Variants in DSEL observed in about 807,000 individuals in gnomAD.
DSEL encodes dermatan-sulfate epimerase-like protein.
Under a neutral mutation model 96.6 loss-of-function variants are expected in DSEL, and 61 were observed. That is an observed-to-expected ratio of 0.63 (90% confidence interval 0.51 to 0.78). The LOEUF (loss-of-function observed/expected upper bound fraction) is 0.78, where lower values mean the gene tolerates loss of function less well. Ranked by LOEUF, DSEL falls within the 30% of genes least tolerant of loss-of-function variation. The pLI is 0.00. For synonymous variants in DSEL, 514 were observed against 502.0 expected, an observed-to-expected ratio of 1.02 and a Z score of -0.32; for missense variants, 1,320 against 1,430.8, an observed-to-expected ratio of 0.92 and a Z score of 1.25.
chr18:67,509,178 G>A lies in DSEL; in HGVS notation c.*1792C>T, dbSNP rs1322554342. ...TACTGACAATCCAGACTTTTTATAT[G>A]TGATCTGATTCACGATCACATATCC... is the stretch of plus-strand genomic sequence containing the variant. On this transcript the variant is annotated 3_prime_UTR_variant, in exon 2 of 2. Transcript: ENST00000310045. 6.6e-6 allele frequency: 1 copy of A among 152,098 alleles called. No individual in the cohort carries two copies. The highest frequency in any genetic ancestry group is 2.4e-5 in the African/African-American group (1 of 41,408). 9.4% of individuals were successfully genotyped at this position (152,098 alleles called of 1,614,324 possible). A position where few individuals can be genotyped will look rare whatever the true frequency, so the allele number is the denominator to read the frequency against.
chr18:67,512,949 C>A lies in DSEL; in HGVS notation c.1660G>T (p.Gly554Trp). 1.2e-6 allele frequency: 2 copies of A among 1,614,158 alleles called. No homozygotes were observed. Among genetic ancestry groups the A allele is most frequent in the Non-Finnish European group, 1.7e-6 (2 of 1,180,038 alleles). Residue 554 changes from glycine (G) to tryptophan (W), a missense_variant, in exon 2 of 2, where the codon GGG (glycine) becomes TGG (tryptophan). Transcript: ENST00000310045. ...GAAGAATAAGCAGACACGGCTTCCC[C>A]ACTCACAAATACCATTTCCCCATGT... The part of the protein sequence containing the change: ...SQHGEMVFVS[G>W]EAVSAYSSAM...
In DSEL at chr18:67,512,558, C is replaced by A; in HGVS notation, c.2051G>T (p.Gly684Val). The part of the protein sequence containing the change: ...TITRIAYVFY[G>V]PYINVSSCRF... ...GCAGCTGGAGACATTGATATATGGC[C>A]CATAAAAGACATATGCAATTCTTGT... Residue 684 changes from glycine (G) to valine (V), a missense_variant, in exon 2 of 2, where the codon GGG becomes GTG. Gly to Val is a moderately radical substitution (Grantham distance 109, BLOSUM62 -3). Coordinates refer to ENST00000310045, the MANE Select transcript of DSEL (RefSeq NM_032160.3). 1 of 1,614,050 alleles carries A rather than the reference C, an allele frequency of 6.2e-7. No homozygotes were observed. Among genetic ancestry groups the A allele is most frequent in the Non-Finnish European group, 8.5e-7 (1 of 1,179,994 alleles).
In DSEL at chr18:67,513,114, T is replaced by C; in HGVS notation, c.1495A>G (p.Asn499Asp). The change falls in exon 2 of 2, where the codon AAT becomes GAT. Residue 499 changes from asparagine (N) to aspartate (D), a missense_variant. By Grantham distance (23) the Asn-to-Asp change is conservative. Around this residue, in one of 3 missense-constraint regions of DSEL, gnomAD observed 986 missense variants for 1,066.4 expected, o/e 0.92. Transcript: ENST00000310045. ...GGTGATGGAGCAAACACCAATACATTGTTAAGGTGGCTCAACTTGGGTCCA... is the reference window on the plus strand; with the variant it reads ...GGTGATGGAGCAAACACCAATACATCGTTAAGGTGGCTCAACTTGGGTCCA... The part of the protein sequence containing the change: ...LYGPKLSHLN[N>D]VLVFAPSPSS... 1 of 1,614,164 alleles carries C rather than the reference T, an allele frequency of 6.2e-7. No homozygotes were observed. The highest frequency in any genetic ancestry group is 8.5e-7 in the Non-Finnish European group (1 of 1,180,046).
At position 67,513,367 on chromosome 18, in the gene DSEL, G is replaced by C; in HGVS notation, c.1242C>G (p.Asn414Lys). The C allele has an allele frequency of 6.2e-7, 1 of 1,614,180 alleles. No individual in the cohort carries two copies. The part of the protein sequence containing the change: ...YGTAKIHTFP[N>K]WGVVTYGAGL... ...CAGCCCCATAAGTAACCACACCCCA[G>C]TTAGGGAATGTGTGTATTTTTGCAG... Residue 414 changes from asparagine (N) to lysine (K), a missense_variant, in exon 2 of 2, where the codon AAC becomes AAG. Asn to Lys is a moderately conservative substitution (Grantham distance 94). Transcript: ENST00000310045.
chr18:67,514,196 T>A lies in DSEL; in HGVS notation c.413A>T (p.Asp138Val), dbSNP rs1366841845. 2 of 1,614,100 alleles carry A rather than the reference T, an allele frequency of 1.2e-6. No individual in the cohort carries two copies. The highest frequency in any genetic ancestry group is 3.3e-5 in the Admixed American group (2 of 60,014). Residue 138 changes from aspartate (D) to valine (V), a missense_variant, in exon 2 of 2, where the codon GAC becomes GTC. Asp to Val is a radical substitution (Grantham distance 152). Transcript: ENST00000310045. ...CAAGACAAATTCAAAGGCAACTTTG[T>A]CTTCTGGGCATAACAAACAGTACAA... ...LALYCLLCPE[D>V]KVAFEFVLEY...
chr18:67,510,626 T>C lies in DSEL; in HGVS notation c.*344A>G, dbSNP rs1311916050. On this transcript the variant is annotated 3_prime_UTR_variant, in exon 2 of 2. Coordinates refer to ENST00000310045, the MANE Select transcript of DSEL (RefSeq NM_032160.3). ...TTTAGCAGTGTTTGAGGTCTCTAGATAGATTAGCACAGTTACAGATGAAGG... is the reference window on the plus strand; with the variant it reads ...TTTAGCAGTGTTTGAGGTCTCTAGACAGATTAGCACAGTTACAGATGAAGG... 7 of 229,954 alleles carry C rather than the reference T, an allele frequency of 3.0e-5. No individual in the cohort carries two copies. The highest frequency in any genetic ancestry group is 1.4e-4 in the South Asian group (1 of 7,212). The allele number at this position is 229,954 out of a possible 1,614,324, so 14.2% of individuals were successfully genotyped here. A position where few individuals can be genotyped will look rare whatever the true frequency, so the allele number is the denominator to read the frequency against.
rs1440537428 is a variant in DSEL at position 67,512,487 on chromosome 18, C to G, written c.2122G>C (p.Val708Leu). The G allele has an allele frequency of 4.3e-6, 7 of 1,613,976 alleles. No homozygotes were observed. In the South Asian group the frequency reaches 5.5e-5, roughly 13 times the overall value. The change falls in exon 2 of 2, where the codon GTC (valine) becomes CTC (leucine). Residue 708 changes from valine (V) to leucine (L), a missense_variant. Physicochemically the swap from Val to Leu is conservative, Grantham distance 32. Coordinates refer to ENST00000310045, the MANE Select transcript of DSEL (RefSeq NM_032160.3). ...GAAACAACATGTTCAGTATTATTGA[C>G]ATTGAGAGAAATCTGAAGTCCAGGA... ...SNPGLQISLN[V>L]NNTEHVVSIV...
In DSEL at chr18:67,513,782, C is replaced by T; in HGVS notation, c.827G>A (p.Gly276Asp). 1 of 1,614,178 alleles carries T rather than the reference C, an allele frequency of 6.2e-7. No individual in the cohort carries two copies. The highest frequency in any genetic ancestry group is 8.5e-7 in the Non-Finnish European group (1 of 1,180,036). ...AGCTGTGTAGCTTCCATAGGCCACA[C>T]CTTCATCCAAAGAACCATCAACAAT... ...NHIVDGSLDE[G>D]VAYGSYTAKS... Residue 276 changes from glycine to aspartate, a missense_variant, in exon 2 of 2, where the codon GGT (glycine) becomes GAT (aspartate). Gly to Asp is a moderately conservative substitution (Grantham distance 94, BLOSUM62 -1). This residue lies in a region of DSEL where 323 missense variants were observed against 333.1 expected (regional missense o/e 0.97). Coordinates refer to ENST00000310045, the MANE Select transcript of DSEL (RefSeq NM_032160.3).
Position 67,512,268 on chromosome 18 carries a change from A to C in DSEL, c.2341T>G (p.Cys781Gly). Residue 781 changes from cysteine to glycine, a missense_variant, in exon 2 of 2, where the codon TGC becomes GGC. By Grantham distance (159) the Cys-to-Gly change is radical. Around this residue, in one of 3 missense-constraint regions of DSEL, gnomAD observed 986 missense variants for 1,066.4 expected, o/e 0.92. Coordinates refer to ENST00000310045, the MANE Select transcript of DSEL (RefSeq NM_032160.3). ...KFNIAVGLIL[C>G]ISLVILTFQW... ...AAAGTTAAAATCACCAAGCTAATGCACAAAATTAATCCAACTGCTATATTA... is the reference window on the plus strand; with the variant it reads ...AAAGTTAAAATCACCAAGCTAATGCCCAAAATTAATCCAACTGCTATATTA... The C allele has an allele frequency of 6.2e-7, 1 of 1,614,138 alleles. No homozygotes were observed.
rs2089469925 is a variant in DSEL at position 67,515,342 on chromosome 18, A to T, written c.-734T>A. The T allele has an allele frequency of 6.0e-6, 1 of 167,010 alleles. No homozygotes were observed. The highest frequency in any genetic ancestry group is 2.4e-5 in the African/African-American group (1 of 41,474). 10.3% of individuals were successfully genotyped at this position (167,010 alleles called of 1,614,324 possible). Reference sequence around the variant, plus strand: ...AGAAATCATGTTCACATCTTCTTTTATCAGCTTCATGTGTACAAACATAAA... The same window carrying T: ...AGAAATCATGTTCACATCTTCTTTTTTCAGCTTCATGTGTACAAACATAAA... On this transcript the variant is annotated 5_prime_UTR_variant, in exon 2 of 2. Transcript: ENST00000310045.
rs2089475500 is a variant in DSEL, at chr18:67,516,203, T to A, written c.-885+158A>T. ...TTCAGTCTTGGACAAGTCTCCCCTC[T>A]GTAGGAAACATTCAGGCTAGGAGTT... is the stretch of plus-strand genomic sequence containing the variant. On this transcript the variant is annotated intron_variant, in intron 1 of 1. Coordinates refer to ENST00000310045, the MANE Select transcript of DSEL (RefSeq NM_032160.3). The surrounding 1 kb of genome is among the most constrained non-coding windows in gnomAD (Gnocchi z 5.6). 6.6e-6 allele frequency among the ~76,000 whole-genome samples: 1 copy of A among 152,240 alleles called. No homozygotes were observed. Among genetic ancestry groups the A allele is most frequent in the Non-Finnish European group, 1.5e-5 (1 of 68,028 alleles).
At position 67,506,686 on chromosome 18, in the gene DSEL, A is replaced by G. The variant is rs1183607704; in HGVS notation, c.*4284T>C. On this transcript the variant is annotated 3_prime_UTR_variant, in exon 2 of 2. Coordinates refer to ENST00000310045, the MANE Select transcript of DSEL (RefSeq NM_032160.3). ...TTCAGTCTGTTTCCAGTGCTGCATA[A>G]CTAGATAACGTATGAAGGAAAAACG... is the stretch of plus-strand genomic sequence containing the variant. The G allele has an allele frequency of 6.6e-6, 1 of 152,156 alleles. No individual in the cohort carries two copies. Among genetic ancestry groups the G allele is most frequent in the Non-Finnish European group, 1.5e-5 (1 of 68,030 alleles). The allele number at this position is 152,156 out of a possible 1,614,324, so 9.4% of individuals were successfully genotyped here. A position where few individuals can be genotyped will look rare whatever the true frequency, so the allele number is the denominator to read the frequency against.
rs895909675 is a variant in DSEL at position 67,514,132 on chromosome 18, T to C, written c.477A>G (p.Leu159=). 1.9e-6 allele frequency: 3 copies of C among 1,614,134 alleles called. No homozygotes were observed. Among genetic ancestry groups the C allele is most frequent in the African/African-American group, 2.7e-5 (2 of 74,950 alleles). Residue 159 remains leucine (L), a synonymous_variant, in exon 2 of 2, where the codon CTA becomes CTG. Coordinates refer to ENST00000310045, the MANE Select transcript of DSEL (RefSeq NM_032160.3). ...MDRMVGYKDW[L]VENAPGDEVP... is the part of the protein sequence containing the mutation. Reference sequence around the variant, plus strand: ...CCTCATCTCCTGGTGCATTCTCTACTAGCCAGTCTTTGTAGCCAACCATCC... The same window carrying C: ...CCTCATCTCCTGGTGCATTCTCTACCAGCCAGTCTTTGTAGCCAACCATCC...
rs764274314 is a variant in DSEL, at chr18:67,512,580, T to G, written c.2029A>C (p.Arg677=). ...GGCCCATAAAAGACATATGCAATTC[T>G]TGTGATTGTGGGTTCCATCTGAAAA... The part of the protein sequence containing the change: ...VTFQMEPTIT[R]IAYVFYGPYI... Residue 677 remains arginine (R), a synonymous_variant, in exon 2 of 2, where the codon AGA becomes CGA. Transcript: ENST00000310045. The G allele has an allele frequency of 2.1e-5, 34 of 1,614,060 alleles. No individual in the cohort carries two copies. The highest frequency in any genetic ancestry group is 2.5e-6 in the Non-Finnish European group (3 of 1,180,018).
chr18:67,516,012 C>T lies in DSEL; in HGVS notation c.-885+349G>A, dbSNP rs1195299771. 6.6e-6 allele frequency among the ~76,000 whole-genome samples: 1 copy of T among 151,754 alleles called. No homozygotes were observed. On this transcript the variant is annotated intron_variant, in intron 1 of 1. Transcript: ENST00000310045. This position sits in a 1 kb window ranked among gnomAD's most constrained non-coding sequence, Gnocchi z 5.6. ...CCAGTCACTTTTCTCGGCGGGGTAA[C>T]CGCGAATCGTGACCAGGCGCCAAGC...
Position 67,513,439 on chromosome 18 carries a change from G to C in DSEL, c.1170C>G (p.Ile390Met). The C allele has an allele frequency of 1.2e-6, 2 of 1,614,198 alleles. No individual in the cohort carries two copies. The highest frequency in any genetic ancestry group is 2.2e-5 in the East Asian group (1 of 44,876). Residue 390 changes from isoleucine to methionine, a missense_variant, in exon 2 of 2, where the codon ATC becomes ATG. Physicochemically the swap from Ile to Met is conservative, Grantham distance 10. Around this residue, in one of 3 missense-constraint regions of DSEL, gnomAD observed 986 missense variants for 1,066.4 expected, o/e 0.92. Transcript: ENST00000310045. ...GTGGTGTGAGCTGGGGATCATACCA[G>C]ATGTATTCAGTGTGAAGAGTACTCC... ...QRWSTLHTEY[I>M]WYDPQLTPQP...
At position 67,516,600 on chromosome 18, in the gene DSEL, G is replaced by C. The variant is rs2089478188; in HGVS notation, c.-1124C>G. 1 of 152,322 alleles carries C rather than the reference G, an allele frequency of 6.6e-6. No individual in the cohort carries two copies. The allele number at this position is 152,322 out of a possible 1,614,324, so 9.4% of individuals were successfully genotyped here. On this transcript the variant is annotated 5_prime_UTR_variant, in exon 1 of 2. Transcript: ENST00000310045. This position sits in a 1 kb window ranked among gnomAD's most constrained non-coding sequence, Gnocchi z 5.6. ...CCCTCAGGAAACGCCGGACGCTTGTGGGGGCAACCACGGACCGCAGGACAG... is the reference window on the plus strand; with the variant it reads ...CCCTCAGGAAACGCCGGACGCTTGTCGGGGCAACCACGGACCGCAGGACAG...
In DSEL at chr18:67,513,846, C is replaced by G. The variant is rs775053414; in HGVS notation, c.763G>C (p.Val255Leu). The G allele has an allele frequency of 2.5e-6, 4 of 1,614,168 alleles. No individual in the cohort carries two copies. The South Asian group carries it at 4.4e-5, about 18-fold the overall frequency. ...AACATTGTCTTTTCCATGACATCCA[C>G]TACAGCCTGTTTCCATATATTTGCT... ...SKANIWKQAV[V>L]DVMEKTMFLL... The change falls in exon 2 of 2, where the codon GTG (valine) becomes CTG (leucine). Residue 255 changes from valine to leucine, a missense_variant. Val to Leu is a conservative substitution (Grantham distance 32). This residue lies in a region of DSEL where 323 missense variants were observed against 333.1 expected (regional missense o/e 0.97). Transcript: ENST00000310045.
At position 67,512,428 on chromosome 18, in the gene DSEL, T is replaced by C. The variant is rs777389240; in HGVS notation, c.2181A>G (p.Arg727=). 5.0e-6 allele frequency: 8 copies of C among 1,614,176 alleles called. No homozygotes were observed. Among genetic ancestry groups the C allele is most frequent in the Non-Finnish European group, 6.8e-6 (8 of 1,180,030 alleles). ...IVTDYHNLKT[R]FNYLGFGGFA... ...AGCCACCGAATCCCAGATAATTGAATCTTGTCTTCAGGTTATGGTAATCAG... is the reference window on the plus strand; with the variant it reads ...AGCCACCGAATCCCAGATAATTGAACCTTGTCTTCAGGTTATGGTAATCAG... Residue 727 remains arginine, a synonymous_variant, in exon 2 of 2, where the codon AGA becomes AGG. Coordinates refer to ENST00000310045, the MANE Select transcript of DSEL (RefSeq NM_032160.3).
Sources: allele counts gnomAD v4.1 joint callset (sites outside exome capture counted in the v4.1 genomes callset), GRCh38; gene constraint gnomAD v4.1.1; regional missense constraint gnomAD v4.1.1; non-coding constraint Gnocchi (gnomAD v3.1); transcripts MANE v1.5; gene names NCBI Gene and HGNC (gene_info 2026-07-23, HGNC 2026-07-21).